GRID2: variants seen among roughly 807,000 people sequenced by gnomAD.
GRID2 encodes glutamate ionotropic receptor delta type subunit 2.
GRID2 carries 33 observed loss-of-function variants against 114.8 expected under a neutral mutation model. The observed-to-expected ratio is 0.29, with a 90% CI of 0.22 to 0.38. GRID2 has a LOEUF of 0.38. Among genes scored for constraint, GRID2 ranks in the 10% least tolerant of loss-of-function variants. GRID2 has a pLI of 1.00. For synonymous variants in GRID2, 505 were observed against 449.9 expected (o/e 1.12, Z -1.55); for missense variants, 1,184 against 1,257.7 (o/e 0.94, Z 0.89).
chr4:93,647,006 A>G (rs956981305), intron 14 of GRID2, among the ~76,000 whole-genome samples: 1 of 152,242 alleles, frequency 6.6e-6, no homozygotes, highest in Non-Finnish European at 1.5e-5. Context: ...GTTATAACAG[A>G]TGTATAAATG....
intron 2 of GRID2, among the ~76,000 whole-genome samples, chr4:92,662,654 G>T (rs1472538880): frequency 1.3e-5 from 2 of 151,114 alleles, no homozygotes; most frequent in African/African-American, 2.4e-5. Flanking sequence ...TTTTGCTGCA[G>T]GCAGCATGGC....
chr4:93,223,207 A>G (rs1037779388), intron 6 of GRID2, among the ~76,000 whole-genome samples: 3 of 152,102 alleles, frequency 2.0e-5, no homozygotes, highest in Non-Finnish European at 4.4e-5. Flanking sequence ...CTATCTAGTA[A>G]TTATCAGGCA....
At chr4:93,276,431 C>A (rs994858510) in intron 8 of GRID2, among the ~76,000 whole-genome samples, 1 of 151,952 alleles carries the variant, frequency 6.6e-6, no homozygotes, top group Non-Finnish European at 1.5e-5. Flanking sequence ...TCTTCTGAGT[C>A]TCTTGCATTT....
chr4:93,648,384 T>C (rs895808356), intron 14 of GRID2, among the ~76,000 whole-genome samples: 6 of 152,154 alleles, frequency 3.9e-5, no homozygotes, highest in Non-Finnish European at 5.9e-5. Context: ...AGGACTGATA[T>C]TAAAGGAAAA....
intron 1 of GRID2, among the ~76,000 whole-genome samples, chr4:92,555,476 AC>A (rs1473686099): frequency 2.0e-5 from 3 of 152,296 alleles, no homozygotes; most frequent in Non-Finnish European, 4.4e-5. Context: ...CAGGATGATA[AC>A]AGATTGCAAA....
chr4:93,045,027 C>T (rs1228505066), intron 2 of GRID2, among the ~76,000 whole-genome samples: 1 of 152,144 alleles, frequency 6.6e-6, no homozygotes, highest in African/African-American at 2.4e-5. Context: ...TTTCTTGCAT[C>T]TAGCTCCCTG....
intron 2 of GRID2, among the ~76,000 whole-genome samples, chr4:93,045,337 T>C (rs2149273961): frequency 2.6e-5 from 4 of 152,214 alleles, no homozygotes; most frequent in Admixed American, 2.6e-4. Flanking sequence ...GTGCATCTGC[T>C]CATGTGGTAT....
chr4:93,138,616 A>G (rs1417831014), intron 4 of GRID2, among the ~76,000 whole-genome samples: 1 of 152,076 alleles, frequency 6.6e-6, no homozygotes, highest in African/African-American at 2.4e-5. Context: ...CAGTCATTCA[A>G]TTTTTCAGGC....
chr4:93,009,027 T>C (rs1489227809), intron 2 of GRID2, among the ~76,000 whole-genome samples: 1 of 152,112 alleles, frequency 6.6e-6, no homozygotes, highest in Non-Finnish European at 1.5e-5. Flanking sequence ...TGGAAAAATA[T>C]CAATAATTCA....
intron 14 of GRID2, among the ~76,000 whole-genome samples, chr4:93,650,795 T>TA (rs1009093774): frequency 6.6e-6 from 1 of 151,980 alleles, no homozygotes; most frequent in African/African-American, 2.4e-5. Flanking sequence ...AGAAAAGCTT[T>TA]AAAAAAATTC....
chr4:92,861,864 C>G (rs1342861627), intron 2 of GRID2, among the ~76,000 whole-genome samples: 1 of 151,996 alleles, frequency 6.6e-6, no homozygotes, highest in Non-Finnish European at 1.5e-5. Flanking sequence ...CCTGGCTACT[C>G]CATGGATCAT....
At chr4:93,330,399 C>T (rs1011602119) in intron 8 of GRID2, among the ~76,000 whole-genome samples, 1 of 152,160 alleles carries the variant, frequency 6.6e-6, no homozygotes, top group East Asian at 1.9e-4. Flanking sequence ...CAAGGTTCTT[C>T]AGTGTCCTTA....
intron 2 of GRID2, among the ~76,000 whole-genome samples, chr4:92,950,712 T>A (rs1399136386): frequency 6.6e-6 from 1 of 152,212 alleles, no homozygotes; most frequent in African/African-American, 2.4e-5. Flanking sequence ...TAATTTTGTC[T>A]TTACTTTCCA....
chr4:93,336,519 T>C (rs1424878819), intron 8 of GRID2, among the ~76,000 whole-genome samples: 1 of 152,174 alleles, frequency 6.6e-6, no homozygotes, highest in African/African-American at 2.4e-5. Context: ...ATGGTATATA[T>C]GCTCTCAGGT....
At chr4:92,505,930 G>A (rs1465528595) in intron 1 of GRID2, among the ~76,000 whole-genome samples, 2 of 151,884 alleles carry the variant, frequency 1.3e-5, no homozygotes, top group African/African-American at 4.8e-5. Context: ...AATTATAGAA[G>A]CTGGCATTTA....
chr4:93,757,487 C>T (rs978705255), intron 14 of GRID2, among the ~76,000 whole-genome samples: 5 of 152,184 alleles, frequency 3.3e-5, no homozygotes, highest in African/African-American at 4.8e-5. Flanking sequence ...ACACTTACTC[C>T]AAAATGTTGT....
At position 93,063,408 on chromosome 4, in the gene GRID2, T is replaced by C. The variant is rs553931495; in HGVS notation, c.245-21587T>C. On this transcript the variant is annotated intron_variant, in intron 2 of 15. Coordinates refer to ENST00000282020, the MANE Select transcript of GRID2 (RefSeq NM_001510.4). ...AACAATCAAGTTTTACAATAAACTT[T>C]AGGAGTATTTACTCAGGGCAGCAAA... Among the ~76,000 whole-genome samples, 41 of 151,992 alleles carry C rather than the reference T, an allele frequency of 2.7e-4. 1 individual carries two copies. The highest frequency in any genetic ancestry group is 5.0e-4 in the Non-Finnish European group (34 of 67,818).
At position 93,405,444 on chromosome 4, in the gene GRID2, C is replaced by G. The variant is rs565788282; in HGVS notation, c.1347+9736C>G. On this transcript the variant is annotated intron_variant, in intron 9 of 15. Coordinates refer to ENST00000282020, the MANE Select transcript of GRID2 (RefSeq NM_001510.4). ...TGTATATGTGGTAGCCATGCATGAC[C>G]CTACTTTTCTCCTCTTGGAAGCTGG... Among the ~76,000 whole-genome samples, 5 of 152,172 alleles carry G rather than the reference C, an allele frequency of 3.3e-5. No homozygotes were observed. In the South Asian group the frequency reaches 6.2e-4, roughly 19 times the overall value.
At chr4:93,350,356 CAT>C (rs993134014) in intron 8 of GRID2, among the ~76,000 whole-genome samples, 1 of 152,068 alleles carries the variant, frequency 6.6e-6, no homozygotes, top group African/African-American at 2.4e-5. Flanking sequence ...TACCATTGCA[CAT>C]GTCATTCCTT....
Sources: gnomAD v4.1 joint callset for allele counts (sites outside exome capture counted in the v4.1 genomes callset) on GRCh38, gnomAD v4.1.1 for gene constraint, MANE v1.5 for transcripts, NCBI Gene and HGNC (gene_info 2026-07-23, HGNC 2026-07-21) for gene names.